The following EEPD1 variants were observed in gnomAD, a reference collection of about 807,000 sequenced individuals.
EEPD1 encodes endonuclease/exonuclease/phosphatase family domain-containing protein 1.
EEPD1 carries 17 observed loss-of-function variants against 46.3 expected under a neutral mutation model. The ratio of observed to expected loss-of-function variants is 0.37; its 90% CI spans 0.25 to 0.55. EEPD1 has a LOEUF of 0.55. Ranked by LOEUF, EEPD1 falls within the 20% of genes least tolerant of loss-of-function variation. The pLI is 0.83. For synonymous variants in EEPD1, 313 were observed against 315.6 expected (o/e 0.99, Z 0.09); for missense variants, 673 against 745.6 (o/e 0.90, Z 1.13).
chr7:36,156,979 GA>G (rs5883534), intron 2 of EEPD1, among the ~76,000 whole-genome samples: 97 of 149,584 alleles, frequency 6.5e-4, no homozygotes, highest in Non-Finnish European at 1.1e-3. Context: ...AAATATTCAG[GA>G]AAAAAAAAAG....
intron 2 of EEPD1, among the ~76,000 whole-genome samples, chr7:36,232,006 G>A (rs1786339830): frequency 6.6e-6 from 1 of 152,164 alleles, no homozygotes; most frequent in African/African-American, 2.4e-5. Context: ...CAACTCTCAG[G>A]AGGACAAAAC....
intron 5 of EEPD1, 104 bp from the exon 6 acceptor site, chr7:36,287,535 C>G: frequency 6.8e-7 from 1 of 1,475,548 alleles, no homozygotes; most frequent in Non-Finnish European, 9.1e-7. Context: ...TCTTGTTTAC[C>G]ATTGTCAACT....
chr7:36,181,730 A>G (rs1388347586), intron 2 of EEPD1, among the ~76,000 whole-genome samples: 1 of 152,218 alleles, frequency 6.6e-6, no homozygotes, highest in Non-Finnish European at 1.5e-5. Flanking sequence ...CCTCAGCATC[A>G]CGGAGCAGTG....
chr7:36,191,869 C>G (rs567991265), intron 2 of EEPD1, among the ~76,000 whole-genome samples: 2 of 152,202 alleles, frequency 1.3e-5, no homozygotes, highest in Non-Finnish European at 2.9e-5. Flanking sequence ...GAACTGCAGT[C>G]TTTTCTGGTG....
chr7:36,226,935 G>A (rs1200046428), intron 2 of EEPD1, among the ~76,000 whole-genome samples: 3 of 152,110 alleles, frequency 2.0e-5, no homozygotes, highest in Non-Finnish European at 2.9e-5. Flanking sequence ...TAAGATAAAT[G>A]TGAACCTTAA....
At chr7:36,244,062 AAG>A (rs947590338) in intron 3 of EEPD1, among the ~76,000 whole-genome samples, 4 of 152,192 alleles carry the variant, frequency 2.6e-5, no homozygotes, top group African/African-American at 9.6e-5. Flanking sequence ...ATTAAAAAAA[AAG>A]AAAATAGTCT....
intron 2 of EEPD1, among the ~76,000 whole-genome samples, chr7:36,184,366 C>A (rs1785326456): frequency 6.6e-6 from 1 of 152,158 alleles, no homozygotes. Context: ...GATGCCTGCT[C>A]CAGAGTACTG....
intron 2 of EEPD1, among the ~76,000 whole-genome samples, chr7:36,198,332 A>G (rs1465696206): frequency 7.1e-6 from 1 of 141,626 alleles, no homozygotes; most frequent in African/African-American, 2.6e-5. Flanking sequence ...AAGAAAAAAA[A>G]AAAAGAAAAG....
At chr7:36,297,264 T>C in intron 7 of EEPD1, 77 bp downstream of exon 7, 1 of 1,478,918 alleles carries the variant, frequency 6.8e-7, no homozygotes, top group East Asian at 2.3e-5. Flanking sequence ...ACAGAAGTCA[T>C]CTCACCTCCT....
chr7:36,247,145 G>T (rs977305558), intron 3 of EEPD1, among the ~76,000 whole-genome samples: 1 of 149,126 alleles, frequency 6.7e-6, no homozygotes, highest in African/African-American at 2.5e-5. Context: ...AAAAAGAAAA[G>T]AAAAAAATTG....
At position 36,163,268 on chromosome 7, in the gene EEPD1, T is replaced by C. The variant is rs185037654; in HGVS notation, c.878+8066T>C. Among the ~76,000 whole-genome samples, 53 of 152,112 alleles carry C rather than the reference T, an allele frequency of 3.5e-4. No homozygotes were observed. The East Asian group carries it at 7.7e-3, about 22-fold the overall frequency. Reference sequence around the variant, plus strand: ...GTTGTTTTATGGGTAGGTTTTTTTTTTTCCTTTTCAAAGTGATTCCCAATC... The same window carrying C: ...GTTGTTTTATGGGTAGGTTTTTTTTCTTCCTTTTCAAAGTGATTCCCAATC... On this transcript the variant is annotated intron_variant, in intron 2 of 7. Transcript: ENST00000242108.
chr7:36,282,694 C>T (rs10256757), intron 4 of EEPD1, among the ~76,000 whole-genome samples: 3,361 of 152,330 alleles, frequency 0.022, 127 homozygotes, highest in African/African-American at 0.075. Context: ...GCATCATGAA[C>T]GTAGCGCAGG....
intron 2 of EEPD1, among the ~76,000 whole-genome samples, chr7:36,184,855 C>T (rs1041125192): frequency 2.6e-5 from 4 of 152,006 alleles, no homozygotes; most frequent in Admixed American, 6.5e-5. Context: ...CTCAGCCTCT[C>T]GAGTAGCTGG....
At chr7:36,183,467 G>T (rs1437620148) in intron 2 of EEPD1, among the ~76,000 whole-genome samples, 1 of 152,146 alleles carries the variant, frequency 6.6e-6, no homozygotes, top group East Asian at 1.9e-4. Context: ...CAAAGCTGCT[G>T]CTACTTGTGC....
In EEPD1 at chr7:36,258,609, C is replaced by A. The variant is rs192232998; in HGVS notation, c.930+19573C>A. Among the ~76,000 whole-genome samples, 905 of 152,222 alleles carry A rather than the reference C, an allele frequency of 5.9e-3. 36 individuals carry two copies. The highest frequency in any genetic ancestry group is 0.051 in the Admixed American group (786 of 15,284). On this transcript the variant is annotated intron_variant, in intron 3 of 7. Coordinates refer to ENST00000242108, the MANE Select transcript of EEPD1 (RefSeq NM_030636.3). ...GCTCCGCCCAGTTGGAACTTCCAGG[C>A]GGCTTTGTTTACATTGTGAGGGGAA...
At chr7:36,273,263 T>C (rs1439374081) in intron 3 of EEPD1, among the ~76,000 whole-genome samples, 1 of 152,194 alleles carries the variant, frequency 6.6e-6, no homozygotes, top group Non-Finnish European at 1.5e-5. Context: ...GGACTGTTAT[T>C]CCCAACCTCC....
intron 2 of EEPD1, among the ~76,000 whole-genome samples, chr7:36,161,174 C>T (rs1451288448): frequency 6.6e-6 from 1 of 152,192 alleles, no homozygotes; most frequent in Admixed American, 6.5e-5. Context: ...GAGAGGTTCG[C>T]ATACATTCAG....
intron 3 of EEPD1, among the ~76,000 whole-genome samples, chr7:36,265,904 ATGT>A (rs1161488211): frequency 6.6e-6 from 1 of 152,228 alleles, no homozygotes; most frequent in Non-Finnish European, 1.5e-5. Flanking sequence ...TTACAAGCTA[ATGT>A]TGTAACAGGC....
intron 5 of EEPD1, among the ~76,000 whole-genome samples, chr7:36,286,106 C>T (rs777252378): frequency 6.6e-6 from 1 of 152,142 alleles, no homozygotes; most frequent in Non-Finnish European, 1.5e-5. Context: ...CCATGTAACC[C>T]TATGGGTGAT....
Sources: gnomAD v4.1 joint callset for allele counts (sites outside exome capture counted in the v4.1 genomes callset) on GRCh38, gnomAD v4.1.1 for gene constraint, MANE v1.5 for transcripts, NCBI Gene and HGNC (gene_info 2026-07-23, HGNC 2026-07-21) for gene names.